The following KCNAB1 variants were observed in gnomAD, a reference collection of about 807,000 sequenced individuals.
The protein encoded by KCNAB1 is voltage-gated potassium channel subunit beta-1.
In KCNAB1, 35 loss-of-function variants were observed where a neutral mutation model predicts 64.6. The ratio of observed to expected loss-of-function variants is 0.54; its 90% CI spans 0.41 to 0.72. The LOEUF is 0.72. Ranked by LOEUF, KCNAB1 falls within the 30% of genes least tolerant of loss-of-function variation. The pLI, the probability that KCNAB1 is intolerant of heterozygous loss-of-function variation, is 0.00. For missense variants in KCNAB1, 401 were observed against 512.9 expected (o/e 0.78, Z 2.11); for synonymous variants, 177 against 183.8 (o/e 0.96, Z 0.30).
intron 8 of KCNAB1, among the ~76,000 whole-genome samples, chr3:156,513,740 T>A (rs1717374169): frequency 6.6e-6 from 1 of 152,176 alleles, no homozygotes; most frequent in African/African-American, 2.4e-5. Flanking sequence ...ATCAATTATG[T>A]GGGTGTCTTA....
At chr3:156,301,024 C>T (rs538581699) in intron 1 of KCNAB1, among the ~76,000 whole-genome samples, 3 of 152,208 alleles carry the variant, frequency 2.0e-5, no homozygotes. Flanking sequence ...GGAGAATGCC[C>T]ATGGAGGGGC....
intron 8 of KCNAB1, among the ~76,000 whole-genome samples, chr3:156,499,458 T>G (rs1357091883): frequency 2.0e-5 from 3 of 152,226 alleles, no homozygotes; most frequent in Non-Finnish European, 4.4e-5. Flanking sequence ...AAATAAAGTT[T>G]ATACTTTGTA....
chr3:156,137,190 G>A (rs55868315), intron 1 of KCNAB1, among the ~76,000 whole-genome samples: 16,845 of 146,040 alleles, frequency 0.12, 1,128 homozygotes, highest in African/African-American at 0.17. Context: ...TTTTTCTAAA[G>A]CAAGGTTATA....
At position 156,165,195 on chromosome 3, in the gene KCNAB1, G is replaced by C. The variant is rs1468349123; in HGVS notation, c.275+44309G>C. Among the ~76,000 whole-genome samples the C allele has an allele frequency of 2.1e-5, 3 of 145,014 alleles. No individual in the cohort carries two copies. The Admixed American group carries it at 2.1e-4, about 10-fold the overall frequency. ...TGGGAGGCTGAGGCAGGAGAATGGCGTGAACCCGGGAGGCGGAGCTTGCAG... is the reference window on the plus strand; with the variant it reads ...TGGGAGGCTGAGGCAGGAGAATGGCCTGAACCCGGGAGGCGGAGCTTGCAG... On this transcript the variant is annotated intron_variant, in intron 1 of 13. Coordinates refer to ENST00000490337, the MANE Select transcript of KCNAB1 (RefSeq NM_172160.3).
At chr3:156,353,013 G>C (rs1329275872) in intron 1 of KCNAB1, among the ~76,000 whole-genome samples, 3 of 152,220 alleles carry the variant, frequency 2.0e-5, no homozygotes, top group Admixed American at 2.0e-4. Context: ...AGTGGATCTG[G>C]CATTCTGTAC....
At chr3:156,346,350 G>T (rs923396195) in intron 1 of KCNAB1, among the ~76,000 whole-genome samples, 1 of 152,098 alleles carries the variant, frequency 6.6e-6, no homozygotes, top group Non-Finnish European at 1.5e-5. Context: ...AAACTCAGAG[G>T]AAAGAACATA....
At position 156,392,434 on chromosome 3, in the gene KCNAB1, T is replaced by C. The variant is rs114083326; in HGVS notation, c.276-29182T>C. ...CATTTCAGAAAAACTCTCTCCTATT[T>C]CTGGGCTCAAGTTTATCACTCACTT... On this transcript the variant is annotated intron_variant, in intron 1 of 13. Transcript: ENST00000490337. Among the ~76,000 whole-genome samples the C allele has an allele frequency of 7.7e-3, 1,176 of 152,336 alleles. 11 individuals carry two copies. Among genetic ancestry groups the C allele is most frequent in the African/African-American group, 0.027 (1,124 of 41,566 alleles).
intron 2 of KCNAB1, among the ~76,000 whole-genome samples, chr3:156,443,775 CACACACTA>C (rs1361310766): frequency 1.4e-5 from 2 of 143,874 alleles, no homozygotes; most frequent in African/African-American, 5.5e-5. Flanking sequence ...CACACACACA[CACACACTA>C]TTCTTTACTT....
intron 8 of KCNAB1, among the ~76,000 whole-genome samples, chr3:156,502,441 G>T (rs987668490): frequency 4.0e-5 from 6 of 151,318 alleles, no homozygotes; most frequent in African/African-American, 1.5e-4. Flanking sequence ...AGTGGGAAAA[G>T]AAGGGACTAT....
chr3:156,345,090 G>A (rs145069343), intron 1 of KCNAB1, among the ~76,000 whole-genome samples: 20 of 152,322 alleles, frequency 1.3e-4, no homozygotes, highest in African/African-American at 4.8e-4. Context: ...GTGTTCAGCA[G>A]GCAGTGGATC....
intron 1 of KCNAB1, among the ~76,000 whole-genome samples, chr3:156,301,712 G>A (rs1721166874): frequency 6.6e-6 from 1 of 152,146 alleles, no homozygotes; most frequent in South Asian, 2.1e-4. Context: ...AAATCAAGAG[G>A]CTTGGATCTT....
At chr3:156,330,996 T>G (rs1388722516) in intron 1 of KCNAB1, among the ~76,000 whole-genome samples, 1 of 152,154 alleles carries the variant, frequency 6.6e-6, no homozygotes, top group Non-Finnish European at 1.5e-5. Flanking sequence ...GTAGGGAGAC[T>G]GAACCTCCTT....
At chr3:156,152,350 G>A (rs1715463629) in intron 1 of KCNAB1, among the ~76,000 whole-genome samples, 1 of 152,186 alleles carries the variant, frequency 6.6e-6, no homozygotes, top group Admixed American at 6.5e-5. Context: ...TAAGTCAGGT[G>A]CCCATAAATG....
chr3:156,401,815 G>T (rs1470674440), intron 1 of KCNAB1, among the ~76,000 whole-genome samples: 1 of 151,164 alleles, frequency 6.6e-6, no homozygotes, highest in Non-Finnish European at 1.5e-5. Flanking sequence ...AAGAATGATT[G>T]CCTGGCAAGG....
At chr3:156,504,186 T>A (rs1475120742) in intron 8 of KCNAB1, among the ~76,000 whole-genome samples, 2 of 152,196 alleles carry the variant, frequency 1.3e-5, no homozygotes, top group Non-Finnish European at 2.9e-5. Flanking sequence ...ACCTGGCTTA[T>A]TTCACATAAT....
intron 1 of KCNAB1, among the ~76,000 whole-genome samples, chr3:156,322,938 T>C (rs1045212206): frequency 2.6e-5 from 4 of 152,158 alleles, no homozygotes; most frequent in South Asian, 2.1e-4. Context: ...TGCTTGGATT[T>C]TGAGTGATCA....
chr3:156,444,798 T>C (rs1717278759), intron 2 of KCNAB1, among the ~76,000 whole-genome samples: 1 of 152,236 alleles, frequency 6.6e-6, no homozygotes, highest in African/African-American at 2.4e-5. Context: ...GGTAACTATG[T>C]AGCTTCCCTC....
intron 12 of KCNAB1, among the ~76,000 whole-genome samples, chr3:156,525,625 C>T (rs1277390308): frequency 6.6e-6 from 1 of 152,184 alleles, no homozygotes; most frequent in Non-Finnish European, 1.5e-5. Context: ...AAGCGATTCT[C>T]CTGCCTCAGC....
chr3:156,408,277 G>A (rs1214373089), intron 1 of KCNAB1, among the ~76,000 whole-genome samples: 8 of 152,240 alleles, frequency 5.3e-5, no homozygotes, highest in Admixed American at 1.3e-4. Flanking sequence ...TCAGATGCAC[G>A]GATCATGTGA....
Sources: gnomAD v4.1 joint callset for allele counts (sites outside exome capture counted in the v4.1 genomes callset) on GRCh38, gnomAD v4.1.1 for gene constraint, MANE v1.5 for transcripts, NCBI Gene and HGNC (gene_info 2026-07-23, HGNC 2026-07-21) for gene names.